The following NRG1 variants were observed in gnomAD, a reference collection of about 807,000 sequenced individuals.
NRG1 encodes neuregulin 1.
In NRG1, 18 loss-of-function variants were observed where a neutral mutation model predicts 63.8. The observed-to-expected ratio is 0.28, with a 90% CI of 0.19 to 0.42. The LOEUF (loss-of-function observed/expected upper bound fraction) is 0.42, where lower values mean the gene tolerates loss of function less well. Ranked by LOEUF, NRG1 falls within the 10% of genes least tolerant of loss-of-function variation. NRG1 has a pLI of 1.00. For synonymous variants in NRG1, 302 were observed against 301.3 expected (o/e 1.00, Z -0.02); for missense variants, 762 against 814.7 (o/e 0.94, Z 0.79).
intron 1 of NRG1, among the ~76,000 whole-genome samples, chr8:32,492,149 C>T (rs1167618101): frequency 6.6e-6 from 1 of 151,864 alleles, no homozygotes; most frequent in African/African-American, 2.4e-5. Flanking sequence ...CATTTTTTTC[C>T]CAGTCATGGG....
intron 1 of NRG1, among the ~76,000 whole-genome samples, chr8:31,719,267 T>C (rs1812669316): frequency 6.6e-6 from 1 of 152,216 alleles, no homozygotes; most frequent in Admixed American, 6.5e-5. Flanking sequence ...GATCCTTTCC[T>C]ATCAGCCAGA....
chr8:32,441,459 TC>T (rs1240548028), intron 1 of NRG1: 5 of 151,998 alleles, frequency 3.3e-5, no homozygotes, highest in African/African-American at 1.2e-4. Flanking sequence ...CTCCAAAACT[TC>T]CAAAAATTAG....
chr8:31,820,865 G>A (rs1823937180), intron 1 of NRG1, among the ~76,000 whole-genome samples: 1 of 152,090 alleles, frequency 6.6e-6, no homozygotes, highest in Admixed American at 6.6e-5. Context: ...CCTTCCAAAG[G>A]CAAAATCAGG....
At chr8:32,312,231 T>C (rs1027215689) in intron 1 of NRG1, among the ~76,000 whole-genome samples, 2 of 142,266 alleles carry the variant, frequency 1.4e-5, no homozygotes, top group African/African-American at 5.1e-5. Flanking sequence ...TGGCATGATC[T>C]CGGCTCACTG....
chr8:31,831,724 A>G (rs1825180998), intron 1 of NRG1, among the ~76,000 whole-genome samples: 1 of 152,160 alleles, frequency 6.6e-6, no homozygotes, highest in South Asian at 2.1e-4. Context: ...GACTTAGAAG[A>G]GGATAGTTGA....
chr8:32,037,914 G>A (rs907091390), intron 1 of NRG1, among the ~76,000 whole-genome samples: 1 of 152,206 alleles, frequency 6.6e-6, no homozygotes, highest in East Asian at 1.9e-4. Flanking sequence ...CAGTTTGTAG[G>A]GTTCCAAGGG....
chr8:32,669,132 T>C (rs527837898), intron 5 of NRG1, among the ~76,000 whole-genome samples: 1 of 152,354 alleles, frequency 6.6e-6, no homozygotes, highest in East Asian at 1.9e-4. Flanking sequence ...TTATTTTACA[T>C]TGTTCTGGAT....
intron 1 of NRG1, among the ~76,000 whole-genome samples, chr8:32,364,597 A>T (rs1398729160): frequency 6.6e-6 from 1 of 152,134 alleles, no homozygotes; most frequent in Non-Finnish European, 1.5e-5. Context: ...GTTGTTTTTA[A>T]TATTTCATTT....
chr8:32,227,566 A>G (rs1846462012), intron 1 of NRG1, among the ~76,000 whole-genome samples: 2 of 152,180 alleles, frequency 1.3e-5, no homozygotes, highest in South Asian at 4.1e-4. Context: ...AGTGAATGAA[A>G]TCAAGCATTT....
At chr8:31,951,154 C>CAGGTTGAAAAGCCTTTG (rs1451506197) in intron 1 of NRG1, among the ~76,000 whole-genome samples, 3 of 152,128 alleles carry the variant, frequency 2.0e-5, no homozygotes, top group Admixed American at 2.0e-4. Context: ...AAAAGAGTTC[C>CAGGTTGAAAAGCCTTTG]AGGTTGAAAA....
chr8:32,735,687 A>G (rs569893693), intron 6 of NRG1, among the ~76,000 whole-genome samples: 2 of 152,232 alleles, frequency 1.3e-5, no homozygotes, highest in African/African-American at 4.8e-5. Context: ...AAATTGTTTG[A>G]CCCCCAACTT....
At chr8:32,523,141 A>C (rs1830497610) in intron 1 of NRG1, among the ~76,000 whole-genome samples, 2 of 152,268 alleles carry the variant, frequency 1.3e-5, no homozygotes, top group African/African-American at 4.8e-5. Flanking sequence ...TTCTCAAAGA[A>C]ATGCTCAATG....
At chr8:32,044,101 AG>A (rs2130718498) in intron 1 of NRG1, among the ~76,000 whole-genome samples, 1 of 152,082 alleles carries the variant, frequency 6.6e-6, no homozygotes, top group South Asian at 2.1e-4. Flanking sequence ...CAAAGTAAAA[AG>A]GTGGGAACTA....
chr8:32,445,276 G>A (rs1001599987), intron 1 of NRG1, among the ~76,000 whole-genome samples: 17 of 152,150 alleles, frequency 1.1e-4, no homozygotes, highest in Admixed American at 1.1e-3. Context: ...TTGTTATACT[G>A]TATTTTTAAA....
At chr8:32,014,175 C>T (rs1230079415) in intron 1 of NRG1, among the ~76,000 whole-genome samples, 6 of 152,136 alleles carry the variant, frequency 3.9e-5, no homozygotes, top group Non-Finnish European at 8.8e-5. Flanking sequence ...TTGACTCTTC[C>T]TATCTATGAG....
At chr8:32,172,965 T>G (rs1435595883) in intron 1 of NRG1, among the ~76,000 whole-genome samples, 1 of 152,044 alleles carries the variant, frequency 6.6e-6, no homozygotes, top group Non-Finnish European at 1.5e-5. Flanking sequence ...GCAGGGAACA[T>G]TCAAATTCAG....
chr8:31,772,251 T>C (rs1818693824), intron 1 of NRG1, among the ~76,000 whole-genome samples: 1 of 152,178 alleles, frequency 6.6e-6, no homozygotes, highest in African/African-American at 2.4e-5. Flanking sequence ...TGATCCAGTG[T>C]TTCTTGTCAC....
At chr8:31,737,431 C>T (rs11782207) in intron 1 of NRG1, among the ~76,000 whole-genome samples, 32,082 of 151,966 alleles carry the variant, frequency 0.21, 3,818 homozygotes, top group Non-Finnish European at 0.26. Context: ...CCAAGAATTG[C>T]GTTTTGAAGA....
At chr8:32,347,368 T>C (rs754302119) in intron 1 of NRG1, among the ~76,000 whole-genome samples, 13 of 152,164 alleles carry the variant, frequency 8.5e-5, no homozygotes, top group Admixed American at 2.0e-4. Flanking sequence ...CTTGCTTTGA[T>C]GATAAATTCA....
Sources: gnomAD v4.1 joint callset for allele counts (sites outside exome capture counted in the v4.1 genomes callset) on GRCh38, gnomAD v4.1.1 for gene constraint, MANE v1.5 for transcripts, NCBI Gene and HGNC (gene_info 2026-07-23, HGNC 2026-07-21) for gene names.